TMPRSS15: variants seen among roughly 807,000 people sequenced by gnomAD.
TMPRSS15 encodes transmembrane serine protease 15.
A neutral mutation model predicts 125.3 loss-of-function variants in TMPRSS15; 128 were observed. The observed-to-expected ratio is 1.02, with a 90% confidence interval of 0.89 to 1.18. TMPRSS15 has a LOEUF of 1.18. TMPRSS15 is among the 50% of genes most tolerant of loss of function. The pLI, the probability that TMPRSS15 is intolerant of heterozygous loss-of-function variation, is 0.00. For missense variants in TMPRSS15, 1,283 were observed against 1,212.7 expected (o/e 1.06, Z -0.86); for synonymous variants, 446 against 423.2 (o/e 1.05, Z -0.66).
chr21:18,398,305 T>C lies in TMPRSS15; in HGVS notation c.170A>G (p.Glu57Gly), dbSNP rs1332888508. ...TGTTATTTTAAATGTCGCTCTGGCT[T>C]CATGACTCTGTCCAAGTGCTGCACC... ...QRGAALGQSH[E>G]ARATFKITSG... is the part of the protein sequence containing the mutation. The change falls in exon 2 of 25, where the codon GAA becomes GGA. Residue 57 changes from glutamate (E) to glycine (G), a missense_variant. Glu to Gly is a moderately conservative substitution (Grantham distance 98). Coordinates refer to ENST00000284885, the MANE Select transcript of TMPRSS15 (RefSeq NM_002772.3). 1.2e-6 allele frequency: 2 copies of C among 1,613,842 alleles called. No homozygotes were observed. The highest frequency in any genetic ancestry group is 1.7e-6 in the Non-Finnish European group (2 of 1,179,796).
intron 19 of TMPRSS15, among the ~76,000 whole-genome samples, chr21:18,295,019 G>T (rs921919534): frequency 1.3e-5 from 2 of 152,176 alleles, no homozygotes; most frequent in Non-Finnish European, 2.9e-5. Context: ...ATAAATGATA[G>T]ATATTGTTAT....
At chr21:18,352,447 T>C (rs2075579295) in intron 10 of TMPRSS15, among the ~76,000 whole-genome samples, 1 of 152,062 alleles carries the variant, frequency 6.6e-6, no homozygotes, top group Non-Finnish European at 1.5e-5. Flanking sequence ...TAAAGGAACA[T>C]CGGAGATAAC....
rs1233700831 is a variant in TMPRSS15 at position 18,313,907 on chromosome 21, AAAC to A, written c.2033-833_2033-831del. Among the ~76,000 whole-genome samples the A allele has an allele frequency of 5.4e-3, 794 of 147,756 alleles. 8 individuals are homozygous for A. The highest frequency in any genetic ancestry group is 0.019 in the African/African-American group (757 of 39,378). ...TCCCTCCCCACCAAAAAAAAAAAAA[AAAC>A]CACTTTCTTTGTACTTGCTTTTATA... On this transcript the variant is annotated intron_variant, in intron 17 of 24. Transcript: ENST00000284885.
intron 24 of TMPRSS15, 81 bp from the exon 25 acceptor site, chr21:18,270,205 T>C: frequency 3.3e-6 from 4 of 1,228,776 alleles, no homozygotes; most frequent in Non-Finnish European, 4.6e-6. Flanking sequence ...ATCAAATAAA[T>C]TAAAAAATAA....
intron 1 of TMPRSS15, among the ~76,000 whole-genome samples, chr21:18,452,004 A>T (rs181578310): frequency 8.6e-5 from 13 of 150,810 alleles, no homozygotes; most frequent in African/African-American, 3.2e-4. Flanking sequence ...ATGTGGTTCA[A>T]TTCAAAAAAA....
intron 22 of TMPRSS15, 34 bp from the exon 23 acceptor site, chr21:18,279,093 C>T (rs1555890313): frequency 2.7e-6 from 3 of 1,117,816 alleles, no homozygotes; most frequent in East Asian, 4.8e-5. Flanking sequence ...AACGAACAAA[C>T]GAAGAAAAAG....
chr21:18,417,174 T>C (rs547193851), intron 1 of TMPRSS15, among the ~76,000 whole-genome samples: 1 of 152,206 alleles, frequency 6.6e-6, no homozygotes, highest in African/African-American at 2.4e-5. Flanking sequence ...AACCTAATCA[T>C]TATTTATTTG....
chr21:18,308,929 T>C (rs1282933693), intron 18 of TMPRSS15, among the ~76,000 whole-genome samples: 1 of 152,242 alleles, frequency 6.6e-6, no homozygotes, highest in Non-Finnish European at 1.5e-5. Context: ...AACTTATCCT[T>C]TTTTATTGCT....
rs112447565 is a variant in TMPRSS15, at chr21:18,269,682, T to G, written c.*287A>C. 1 of 340,320 alleles carries G rather than the reference T, an allele frequency of 2.9e-6. No homozygotes were observed. Among genetic ancestry groups the G allele is most frequent in the Non-Finnish European group, 5.5e-6 (1 of 181,474 alleles). 21.1% of individuals were successfully genotyped at this position (340,320 alleles called of 1,614,324 possible). A position where few individuals can be genotyped will look rare whatever the true frequency, so the allele number is the denominator to read the frequency against. ...CATCCCTTTAAACAACAGTAAGTAATAAAAATAATCATTAAGAATTTTAAA... is the reference window on the plus strand; with the variant it reads ...CATCCCTTTAAACAACAGTAAGTAAGAAAAATAATCATTAAGAATTTTAAA... On this transcript the variant is annotated 3_prime_UTR_variant, in exon 25 of 25. Coordinates refer to ENST00000284885, the MANE Select transcript of TMPRSS15 (RefSeq NM_002772.3).
In TMPRSS15 at chr21:18,403,502, G is replaced by A. The variant is rs1048200897; in HGVS notation, c.121C>T (p.Leu41=). The change falls in exon 1 of 25, where the codon CTG becomes TTG. Residue 41 remains leucine (L), a synonymous_variant. Transcript: ENST00000284885. ...CCTCGTTGGGATTCCTTGATTGTCAGGCAGGATACTGCAATTAATCCAGCA... is the reference window on the plus strand; with the variant it reads ...CCTCGTTGGGATTCCTTGATTGTCAAGCAGGATACTGCAATTAATCCAGCA... ...LCAGLIAVSC[L]TIKESQRGAA... is the part of the protein sequence containing the mutation. 3 of 1,614,132 alleles carry A rather than the reference G, an allele frequency of 1.9e-6. No individual in the cohort carries two copies. Among genetic ancestry groups the A allele is most frequent in the Non-Finnish European group, 2.5e-6 (3 of 1,180,016 alleles).
chr21:18,280,520 G>A (rs534417768), intron 22 of TMPRSS15, among the ~76,000 whole-genome samples: 1 of 144,308 alleles, frequency 6.9e-6, no homozygotes, highest in East Asian at 2.1e-4. Flanking sequence ...AGGTTGCAGC[G>A]AGCCAAGACT....
chr21:18,469,879 G>A (rs1978741052), intron 1 of TMPRSS15, among the ~76,000 whole-genome samples: 1 of 151,876 alleles, frequency 6.6e-6, no homozygotes, highest in Non-Finnish European at 1.5e-5. Flanking sequence ...GTTAAAAATA[G>A]CTCTATCTTT....
chr21:18,385,525 C>G (rs1416863881), intron 3 of TMPRSS15, among the ~76,000 whole-genome samples: 1 of 152,142 alleles, frequency 6.6e-6, no homozygotes, highest in Non-Finnish European at 1.5e-5. Context: ...AAGAACAGCT[C>G]ACAGTAGATT....
intron 15 of TMPRSS15, among the ~76,000 whole-genome samples, chr21:18,327,527 T>C (rs2075303758): frequency 6.6e-6 from 1 of 152,166 alleles, no homozygotes; most frequent in Admixed American, 6.5e-5. Context: ...TGCTGTAGAA[T>C]TCTACATAAG....
intron 1 of TMPRSS15, among the ~76,000 whole-genome samples, chr21:18,426,682 T>A (rs890123328): frequency 6.6e-6 from 1 of 152,202 alleles, no homozygotes. Flanking sequence ...ATTTTGAAAG[T>A]CTGTTGAACT....
intron 8 of TMPRSS15, among the ~76,000 whole-genome samples, chr21:18,358,582 C>T (rs7277098): frequency 5.3e-5 from 8 of 151,512 alleles, no homozygotes; most frequent in African/African-American, 1.7e-4. Flanking sequence ...TATATATACT[C>T]ATTATGATAT....
intron 5 of TMPRSS15, among the ~76,000 whole-genome samples, chr21:18,374,061 C>T (rs2075817132): frequency 6.6e-6 from 1 of 152,096 alleles, no homozygotes; most frequent in Admixed American, 6.5e-5. Context: ...TAGTTTCCTT[C>T]TAAGGCAAGA....
chr21:18,470,971 C>T (rs753624301), intron 1 of TMPRSS15, among the ~76,000 whole-genome samples: 9 of 127,130 alleles, frequency 7.1e-5, no homozygotes, highest in South Asian at 2.8e-4. Context: ...TCACAAGATA[C>T]GTAAAAATTA....
upstream of TMPRSS15, among the ~76,000 whole-genome samples, chr21:18,404,853 A>T (rs2076136004): frequency 6.6e-6 from 1 of 152,104 alleles, no homozygotes; most frequent in Non-Finnish European, 1.5e-5. Flanking sequence ...AAATAGAATT[A>T]TGAGTAAACA....
Sources: gnomAD v4.1 joint callset for allele counts (sites outside exome capture counted in the v4.1 genomes callset) on GRCh38, gnomAD v4.1.1 for gene constraint, MANE v1.5 for transcripts, NCBI Gene and HGNC (gene_info 2026-07-23, HGNC 2026-07-21) for gene names.